Variants in PBX3 observed in about 807,000 individuals in gnomAD.
PBX3 encodes PBX homeobox 3, also known as pre-B-cell leukemia transcription factor 3.
PBX3 carries 14 observed loss-of-function variants against 48.5 expected under a neutral mutation model. The observed-to-expected ratio is 0.29, with a 90% CI of 0.19 to 0.45. The LOEUF (loss-of-function observed/expected upper bound fraction) is 0.45. Ranked by LOEUF, PBX3 falls within the 20% of genes least tolerant of loss-of-function variation. The pLI is 1.00. For synonymous variants in PBX3, 210 were observed against 200.3 expected (o/e 1.05, Z -0.41); for missense variants, 386 against 546.7 (o/e 0.71, Z 2.93).
chr9:125,840,883 T>G (rs1395869093), intron 2 of PBX3, among the ~76,000 whole-genome samples: 1 of 152,102 alleles, frequency 6.6e-6, no homozygotes, highest in Non-Finnish European at 1.5e-5. Flanking sequence ...TATTCCTCCT[T>G]TGTGAAATTA....
At chr9:125,956,047 C>G (rs1842301247) in intron 5 of PBX3, among the ~76,000 whole-genome samples, 1 of 152,192 alleles carries the variant, frequency 6.6e-6, no homozygotes, top group Admixed American at 6.5e-5. Flanking sequence ...TGTCTGTGGC[C>G]TGGATCTCTC....
At chr9:125,799,603 CAATATA>C (rs1367204653) in intron 2 of PBX3, among the ~76,000 whole-genome samples, 2 of 152,066 alleles carry the variant, frequency 1.3e-5, no homozygotes, top group Non-Finnish European at 2.9e-5. Flanking sequence ...CATTATAGTA[CAATATA>C]AATATAAAAT....
chr9:125,819,269 C>T (rs980449309), intron 2 of PBX3, among the ~76,000 whole-genome samples: 1 of 151,748 alleles, frequency 6.6e-6, no homozygotes, highest in Non-Finnish European at 1.5e-5. Flanking sequence ...TGGCTCACAC[C>T]TGTAATCCCA....
chr9:125,750,297 C>T (rs1017369306), intron 2 of PBX3, among the ~76,000 whole-genome samples: 2 of 152,108 alleles, frequency 1.3e-5, no homozygotes, highest in African/African-American at 4.8e-5. Context: ...CTTCTCATCC[C>T]CTTCTCATTA....
At chr9:125,848,823 G>A (rs1179679242) in intron 2 of PBX3, among the ~76,000 whole-genome samples, 1 of 151,942 alleles carries the variant, frequency 6.6e-6, no homozygotes, top group Non-Finnish European at 1.5e-5. Flanking sequence ...TTGCTACCAT[G>A]TACATTCTGT....
intron 2 of PBX3, chr9:125,748,975 C>T (rs1392068132): frequency 4.9e-6 from 1 of 204,100 alleles, no homozygotes; most frequent in Non-Finnish European, 1.0e-5. Context: ...AGACTGGATG[C>T]CAGGACCGAG....
chr9:125,867,882 T>TTTTGTTTTG (rs1840028760), intron 2 of PBX3, among the ~76,000 whole-genome samples: 1 of 140,176 alleles, frequency 7.1e-6, no homozygotes, highest in African/African-American at 2.8e-5. Flanking sequence ...TTTTGTTTTG[T>TTTTGTTTTG]TTTTTTGTTT....
At chr9:125,802,727 G>A (rs1205282837) in intron 2 of PBX3, among the ~76,000 whole-genome samples, 4 of 151,712 alleles carry the variant, frequency 2.6e-5, no homozygotes, top group Non-Finnish European at 4.4e-5. Context: ...TGCCCAGGCT[G>A]GGGTGCAGTG....
chr9:125,830,054 C>G (rs1402640455), intron 2 of PBX3, among the ~76,000 whole-genome samples: 1 of 152,176 alleles, frequency 6.6e-6, no homozygotes, highest in Non-Finnish European at 1.5e-5. Context: ...GCTCTTACAA[C>G]AGGAAGCTTG....
chr9:125,847,637 T>A (rs1839460822), intron 2 of PBX3, among the ~76,000 whole-genome samples: 1 of 151,950 alleles, frequency 6.6e-6, no homozygotes, highest in Non-Finnish European at 1.5e-5. Flanking sequence ...ATGGTTACCT[T>A]TCAGTAGTGG....
chr9:125,756,016 A>G (rs1028333952), intron 2 of PBX3, among the ~76,000 whole-genome samples: 14 of 152,078 alleles, frequency 9.2e-5, no homozygotes, highest in Non-Finnish European at 1.8e-4. Context: ...TTGTGCACCA[A>G]TGTCACTAAA....
intron 2 of PBX3, among the ~76,000 whole-genome samples, chr9:125,750,237 C>T (rs950110884): frequency 1.6e-4 from 24 of 152,260 alleles, no homozygotes; most frequent in African/African-American, 5.3e-4. Flanking sequence ...AAGATTGATT[C>T]GACTTTATAC....
At chr9:125,951,070 T>G (rs1381759010) in intron 5 of PBX3, among the ~76,000 whole-genome samples, 1 of 152,186 alleles carries the variant, frequency 6.6e-6, no homozygotes, top group Non-Finnish European at 1.5e-5. Context: ...AGTTTTTGCT[T>G]CAGTAGAATT....
At chr9:125,917,359 G>A (rs1022592614) in intron 3 of PBX3, among the ~76,000 whole-genome samples, 19 of 152,102 alleles carry the variant, frequency 1.2e-4, no homozygotes, top group Admixed American at 1.2e-3. Flanking sequence ...TGTTAAAATT[G>A]ATTAACCTAC....
intron 2 of PBX3, among the ~76,000 whole-genome samples, chr9:125,781,258 C>T (rs1837299125): frequency 6.6e-6 from 1 of 151,562 alleles, no homozygotes; most frequent in South Asian, 2.1e-4. Flanking sequence ...CAGACTCCGT[C>T]TGTAATCCCG....
chr9:125,851,447 A>G (rs989026242), intron 2 of PBX3, among the ~76,000 whole-genome samples: 4 of 152,130 alleles, frequency 2.6e-5, no homozygotes, highest in Non-Finnish European at 5.9e-5. Flanking sequence ...ATTGAAAACC[A>G]AGGTGGGATT....
At chr9:125,820,583 T>TTC (rs1157838886) in intron 2 of PBX3, among the ~76,000 whole-genome samples, 12 of 152,340 alleles carry the variant, frequency 7.9e-5, no homozygotes, top group Non-Finnish European at 1.6e-4. Flanking sequence ...AGTGCTGTGA[T>TTC]TCTGTCTGAC....
At chr9:125,792,038 A>T (rs1431356580) in intron 2 of PBX3, among the ~76,000 whole-genome samples, 2 of 116,402 alleles carry the variant, frequency 1.7e-5, no homozygotes, top group African/African-American at 7.6e-5. Context: ...AATACTACAC[A>T]CACACACGCA....
intron 4 of PBX3, among the ~76,000 whole-genome samples, chr9:125,932,211 A>G (rs2132520186): frequency 6.6e-6 from 1 of 152,262 alleles, no homozygotes; most frequent in East Asian, 1.9e-4. Flanking sequence ...CAGTGCTTGT[A>G]CTTGTTGGAT....
Sources: allele counts gnomAD v4.1 joint callset (sites outside exome capture counted in the v4.1 genomes callset), GRCh38; gene constraint gnomAD v4.1.1; transcripts MANE v1.5; gene names NCBI Gene and HGNC (gene_info 2026-07-23, HGNC 2026-07-21).